TNIK: variants seen among roughly 807,000 people sequenced by gnomAD.
The protein encoded by TNIK is TRAF2 and NCK interacting kinase.
TNIK carries 49 observed loss-of-function variants against 191.3 expected under a neutral mutation model. That is an observed-to-expected ratio of 0.26 (90% CI 0.20 to 0.32). TNIK has a LOEUF of 0.32. Among genes scored for constraint, TNIK ranks in the 10% least tolerant of loss-of-function variants. The pLI is 1.00. For missense variants in TNIK, 1,155 were observed against 1,702.3 expected (o/e 0.68, Z 5.66); for synonymous variants, 594 against 600.9 (o/e 0.99, Z 0.17).
At chr3:171,158,540 T>TTTA (rs1417806373) in intron 11 of TNIK, among the ~76,000 whole-genome samples, 1 of 152,240 alleles carries the variant, frequency 6.6e-6, no homozygotes, top group African/African-American at 2.4e-5. Context: ...ATGACTTCTG[T>TTTA]TTATTCAAAC....
At chr3:171,416,717 C>A (rs910856563) in intron 1 of TNIK, among the ~76,000 whole-genome samples, 3 of 152,186 alleles carry the variant, frequency 2.0e-5, no homozygotes, top group African/African-American at 7.2e-5. Context: ...AGGGCTTAGC[C>A]TCCACAGGGC....
chr3:171,365,349 A>G (rs1577649577), intron 2 of TNIK, among the ~76,000 whole-genome samples: 1 of 151,082 alleles, frequency 6.6e-6, no homozygotes, highest in Admixed American at 6.6e-5. Flanking sequence ...CGCCCAGCTA[A>G]TTTTGTATTT....
intron 2 of TNIK, among the ~76,000 whole-genome samples, chr3:171,286,552 T>G (rs1304206721): frequency 2.0e-5 from 3 of 152,140 alleles, no homozygotes; most frequent in African/African-American, 7.2e-5. Flanking sequence ...CAAGAATCAC[T>G]TGAACCCAGG....
At chr3:171,301,606 C>T (rs367866308) in intron 2 of TNIK, among the ~76,000 whole-genome samples, 2 of 152,210 alleles carry the variant, frequency 1.3e-5, no homozygotes, top group African/African-American at 4.8e-5. Context: ...TGAGCCACCA[C>T]ATCCAGCCTT....
At chr3:171,097,627 G>T (rs1722899207) in intron 22 of TNIK, among the ~76,000 whole-genome samples, 1 of 152,196 alleles carries the variant, frequency 6.6e-6, no homozygotes, top group African/African-American at 2.4e-5. Context: ...TCTCTTGCCT[G>T]CTGCCATGTA....
rs1443777526 is a variant in TNIK, at chr3:171,369,624, T to A, written c.119A>T (p.Tyr40Phe). The change falls in exon 2 of 33, where the codon TAT (tyrosine) becomes TTT (phenylalanine). Residue 40 changes from tyrosine (Y) to phenylalanine (F), a missense_variant. Tyr to Phe is a conservative substitution (Grantham distance 22, BLOSUM62 3). Transcript: ENST00000436636. ...LVGNGTYGQV[Y>F]KGRHVKTGQL... The stretch of plus-strand genomic sequence containing the variant: ...TCTCAGACTCAATGTACTTACCTTA[T>A]AAACTTGCCCGTATGTTCCATTTCC... 6.3e-7 allele frequency: 1 copy of A among 1,575,658 alleles called. No individual in the cohort carries two copies. The highest frequency in any genetic ancestry group is 8.6e-7 in the Non-Finnish European group (1 of 1,159,376).
At chr3:171,253,136 TA>T (rs1746430557) in intron 2 of TNIK, among the ~76,000 whole-genome samples, 1 of 145,208 alleles carries the variant, frequency 6.9e-6, no homozygotes, top group Non-Finnish European at 1.5e-5. Context: ...AAAAAAAAAT[TA>T]GCCGGGCGTG....
intron 1 of TNIK, among the ~76,000 whole-genome samples, chr3:171,382,228 T>TTTTA (rs1291945513): frequency 1.4e-5 from 2 of 146,328 alleles, no homozygotes; most frequent in East Asian, 4.0e-4. Context: ...CTTTTTTTTT[T>TTTTA]TTTTTTTTTT....
chr3:171,277,928 T>C (rs34361969), intron 2 of TNIK, among the ~76,000 whole-genome samples: 12,940 of 152,086 alleles, frequency 0.085, 622 homozygotes, highest in Middle Eastern at 0.16. Flanking sequence ...ACTCAGGAGG[T>C]TGAGTTGGCA....
Position 171,063,185 on chromosome 3 carries a change from T to C in TNIK, c.*696A>G, listed in dbSNP as rs1718010788. On this transcript the variant is annotated 3_prime_UTR_variant, in exon 33 of 33. Transcript: ENST00000436636. The stretch of plus-strand genomic sequence containing the variant: ...CAGATTCACAAAAGTGGTAGTTGAT[T>C]TTATTAGACTAGTAGTTTTAAGGCT... 1 of 152,202 alleles carries C rather than the reference T, an allele frequency of 6.6e-6. No individual in the cohort carries two copies. Among genetic ancestry groups the C allele is most frequent in the Admixed American group, 6.5e-5 (1 of 15,282 alleles). The allele number at this position is 152,202 out of a possible 1,614,324, so 9.4% of individuals were successfully genotyped here.
chr3:171,424,821 T>C (rs915599768), intron 1 of TNIK, among the ~76,000 whole-genome samples: 4 of 106,520 alleles, frequency 3.8e-5, no homozygotes, highest in Non-Finnish European at 5.2e-5. Flanking sequence ...CATCACACAC[T>C]GGGGACTGTT....
intron 12 of TNIK, among the ~76,000 whole-genome samples, chr3:171,145,884 G>T (rs1300764177): frequency 2.7e-5 from 4 of 150,582 alleles, no homozygotes; most frequent in Admixed American, 1.3e-4. Flanking sequence ...AAGTGACTTT[G>T]ATGAACTGCA....
chr3:171,252,716 G>A (rs1200930657), intron 2 of TNIK, among the ~76,000 whole-genome samples: 1 of 152,132 alleles, frequency 6.6e-6, no homozygotes, highest in Non-Finnish European at 1.5e-5. Flanking sequence ...AATCAGCTAG[G>A]TTAGTTTTAT....
At chr3:171,355,442 A>G (rs1713896369) in intron 2 of TNIK, among the ~76,000 whole-genome samples, 1 of 139,894 alleles carries the variant, frequency 7.1e-6, no homozygotes, top group Non-Finnish European at 1.6e-5. Flanking sequence ...GCCACAAAAC[A>G]TTCATTTTCT....
rs948172993 is a variant in TNIK, at chr3:171,066,143, C to G, written c.3999+44G>C. 2.5e-6 allele frequency: 4 copies of G among 1,604,574 alleles called. No individual in the cohort carries two copies. The Admixed American group carries it at 6.7e-5, about 27-fold the overall frequency. On this transcript the variant is annotated intron_variant, in intron 32 of 32. Transcript: ENST00000436636. ...GAAGGTTTCACAGGTACCTGGTGGT[C>G]TCTTAAAATGCAAACACTAATGCAA...
At chr3:171,071,008 G>A (rs557533442) in intron 29 of TNIK, among the ~76,000 whole-genome samples, 11 of 152,274 alleles carry the variant, frequency 7.2e-5, no homozygotes, top group African/African-American at 2.6e-4. Context: ...TAGATCTCAA[G>A]GAGGAGGGCA....
intron 12 of TNIK, among the ~76,000 whole-genome samples, chr3:171,152,779 T>G (rs965842555): frequency 6.8e-4 from 103 of 150,606 alleles, no homozygotes; most frequent in Non-Finnish European, 1.2e-3. Context: ...GTTTTTTGTT[T>G]TTTTTTTTTT....
intron 2 of TNIK, among the ~76,000 whole-genome samples, chr3:171,303,682 C>T (rs1273639631): frequency 6.6e-6 from 1 of 152,154 alleles, no homozygotes; most frequent in East Asian, 1.9e-4. Context: ...TCAACTCAGA[C>T]TTTTTTCCTT....
At chr3:171,216,357 G>C (rs887501193) in intron 3 of TNIK, among the ~76,000 whole-genome samples, 27 of 152,144 alleles carry the variant, frequency 1.8e-4, no homozygotes, top group African/African-American at 4.6e-4. Flanking sequence ...TCAATGACAA[G>C]AAGTTGTTCT....
Sources: gnomAD v4.1 joint callset for allele counts (sites outside exome capture counted in the v4.1 genomes callset) on GRCh38, gnomAD v4.1.1 for gene constraint, MANE v1.5 for transcripts, NCBI Gene and HGNC (gene_info 2026-07-23, HGNC 2026-07-21) for gene names.